Variants in TAF2 observed in about 807,000 individuals in gnomAD.
TAF2 encodes TATA-box binding protein associated factor 2.
A neutral mutation model predicts 138.5 loss-of-function variants in TAF2; 61 were observed. That is an observed-to-expected ratio of 0.44 (90% CI 0.36 to 0.54). The LOEUF is 0.54. Among genes scored for constraint, TAF2 ranks in the 20% least tolerant of loss-of-function variants. The pLI is 0.00. For synonymous variants in TAF2, 475 were observed against 469.9 expected (o/e 1.01, Z -0.14); for missense variants, 1,090 against 1,427.9 (o/e 0.76, Z 3.81).
rs1374427568 is a variant in TAF2 at position 119,746,669 on chromosome 8, T to C, written c.3108+36A>G. On this transcript the variant is annotated intron_variant, in intron 23 of 25. Coordinates refer to ENST00000378164, the MANE Select transcript of TAF2 (RefSeq NM_003184.4). ...TCTCTTCTCTAGATCCTCTATATAA[T>C]GAAACTACGTCTTCTGTAATACATG... 3 of 1,598,492 alleles carry C rather than the reference T, an allele frequency of 1.9e-6. No homozygotes were observed. The African/African-American group carries it at 4.0e-5, about 21-fold the overall frequency.
chr8:119,806,098 C>T (rs1824620795), intron 4 of TAF2, among the ~76,000 whole-genome samples, 185 bp downstream of exon 4: 3 of 151,982 alleles, frequency 2.0e-5, no homozygotes, highest in South Asian at 2.1e-4. Context: ...GATGGGGTTT[C>T]GCCATGTTGG....
chr8:119,785,791 G>A (rs763395482), intron 14 of TAF2, among the ~76,000 whole-genome samples: 6 of 152,100 alleles, frequency 3.9e-5, no homozygotes, highest in Non-Finnish European at 7.4e-5. Flanking sequence ...GTTAACTGGG[G>A]AAGGGCAAAT....
intron 13 of TAF2, 24 bp downstream of exon 13, chr8:119,788,751 GAGATAGCAGTACAAA>G: frequency 7.3e-6 from 10 of 1,362,798 alleles, no homozygotes; most frequent in Non-Finnish European, 1.1e-5. Context: ...TGAAACTGAG[GAGATAGCAGTACAAA>G]GGCGATTTTG....
chr8:119,736,512 C>G (rs2130974518), intron 25 of TAF2, among the ~76,000 whole-genome samples: 1 of 152,266 alleles, frequency 6.6e-6, no homozygotes, highest in African/African-American at 2.4e-5. Flanking sequence ...AATGACTGCT[C>G]ACCATTGGAG....
chr8:119,738,340 T>C, intron 25 of TAF2, among the ~76,000 whole-genome samples: 1 of 152,132 alleles, frequency 6.6e-6, no homozygotes, highest in East Asian at 1.9e-4. Context: ...ATCAAGACAA[T>C]ACATATATTA....
chr8:119,811,303 G>A (rs938375363), intron 3 of TAF2, among the ~76,000 whole-genome samples: 3 of 152,042 alleles, frequency 2.0e-5, no homozygotes, highest in South Asian at 4.1e-4. Context: ...AACTATAGAT[G>A]CAGATTTTAT....
chr8:119,805,788 A>G (rs1179128962), intron 4 of TAF2, among the ~76,000 whole-genome samples: 1 of 152,094 alleles, frequency 6.6e-6, no homozygotes, highest in Non-Finnish European at 1.5e-5. Flanking sequence ...CTGAAATGGT[A>G]TCATCCTGTT....
intron 22 of TAF2, among the ~76,000 whole-genome samples, chr8:119,754,597 C>T (rs776744624): frequency 1.3e-4 from 20 of 151,878 alleles, no homozygotes; most frequent in Non-Finnish European, 2.5e-4. Context: ...GCAGCACAAT[C>T]GCCTGAACTT....
intron 22 of TAF2, among the ~76,000 whole-genome samples, chr8:119,755,324 C>CT (rs1351851188): frequency 6.6e-6 from 1 of 152,034 alleles, no homozygotes; most frequent in Non-Finnish European, 1.5e-5. Flanking sequence ...TAGTGAAACT[C>CT]TGTCTCTACT....
chr8:119,789,801 T>G, intron 11 of TAF2, 55 bp from the exon 12 acceptor site: 1 of 1,516,996 alleles, frequency 6.6e-7, no homozygotes, highest in African/African-American at 1.4e-5. Context: ...TTCAATTATA[T>G]AGAATACTCA....
intron 22 of TAF2, among the ~76,000 whole-genome samples, chr8:119,747,714 G>A (rs1820075016): frequency 6.6e-6 from 1 of 152,176 alleles, no homozygotes; most frequent in South Asian, 2.1e-4. Context: ...TGACTAAAAA[G>A]ATGAAATTTG....
chr8:119,753,986 G>A (rs2131033033), intron 22 of TAF2, among the ~76,000 whole-genome samples: 1 of 152,030 alleles, frequency 6.6e-6, no homozygotes. Context: ...GGTAGCCAAA[G>A]GAAGCAAATA....
At chr8:119,828,339 A>T (rs1826228953) in intron 2 of TAF2, among the ~76,000 whole-genome samples, 1 of 152,220 alleles carries the variant, frequency 6.6e-6, no homozygotes, top group Non-Finnish European at 1.5e-5. Flanking sequence ...CTCATCCCAA[A>T]GAACCAAAAA....
At chr8:119,812,809 C>CAT (rs1825184127) in intron 3 of TAF2, among the ~76,000 whole-genome samples, 1 of 64 alleles carries the variant, frequency 0.016, no homozygotes, top group Non-Finnish European at 0.033. Flanking sequence ...TGTATACATA[C>CAT]ACCACACATA....
chr8:119,783,720 C>T, intron 15 of TAF2, 87 bp from the exon 16 acceptor site: 1 of 1,470,914 alleles, frequency 6.8e-7, no homozygotes, highest in Non-Finnish European at 9.1e-7. Context: ...CATTTATTTA[C>T]CAGGTTTCCT....
intron 18 of TAF2, among the ~76,000 whole-genome samples, chr8:119,770,079 G>C (rs1391408656): frequency 1.9e-4 from 28 of 147,738 alleles, no homozygotes; most frequent in African/African-American, 6.8e-4. Flanking sequence ...TTTTTTAAAT[G>C]AACAAAGTCT....
At chr8:119,804,098 A>C in intron 4 of TAF2, 79 bp from the exon 5 acceptor site, 1 of 1,518,348 alleles carries the variant, frequency 6.6e-7, no homozygotes, top group South Asian at 1.1e-5. Flanking sequence ...TTTAATGCTG[A>C]ACATGAAATG....
chr8:119,800,750 T>C (rs915308397), intron 6 of TAF2, among the ~76,000 whole-genome samples: 5 of 152,188 alleles, frequency 3.3e-5, no homozygotes, highest in African/African-American at 1.2e-4. Context: ...AAGGCAAATA[T>C]AAAAGGCAAA....
At chr8:119,800,391 T>G (rs1824172197) in intron 6 of TAF2, among the ~76,000 whole-genome samples, 1 of 152,228 alleles carries the variant, frequency 6.6e-6, no homozygotes, top group Non-Finnish European at 1.5e-5. Flanking sequence ...CACCATTTAT[T>G]AAATAGGGAA....
Sources: gnomAD v4.1 joint callset for allele counts (sites outside exome capture counted in the v4.1 genomes callset) on GRCh38, gnomAD v4.1.1 for gene constraint, MANE v1.5 for transcripts, NCBI Gene and HGNC (gene_info 2026-07-23, HGNC 2026-07-21) for gene names.